DLC1: variants seen among roughly 807,000 people sequenced by gnomAD.
DLC1 encodes the protein rho GTPase-activating protein 7.
Under a neutral mutation model 140.3 loss-of-function variants are expected in DLC1, and 54 were observed. That is an observed-to-expected ratio of 0.38 (90% CI 0.31 to 0.48). DLC1 has a LOEUF of 0.48. Among genes scored for constraint, DLC1 ranks in the 20% least tolerant of loss-of-function variants. DLC1 has a pLI of 0.96. For synonymous variants in DLC1, 986 were observed against 728.1 expected (o/e 1.35, Z -5.70); for missense variants, 2,536 against 1,907.0 (o/e 1.33, Z -6.14).
intron 4 of DLC1, among the ~76,000 whole-genome samples, chr8:13,351,969 G>T (rs1834692829): frequency 6.6e-6 from 1 of 152,162 alleles, no homozygotes; most frequent in Non-Finnish European, 1.5e-5. Context: ...GCTGACCTCA[G>T]GTGATCTGCC....
intron 5 of DLC1, among the ~76,000 whole-genome samples, chr8:13,215,162 A>G (rs966176025): frequency 3.3e-5 from 5 of 152,192 alleles, no homozygotes; most frequent in East Asian, 1.9e-4. Flanking sequence ...TACATTCTCT[A>G]TATCCTTACG....
At chr8:13,464,019 T>A (rs1799807559) in intron 2 of DLC1, among the ~76,000 whole-genome samples, 2 of 152,046 alleles carry the variant, frequency 1.3e-5, no homozygotes, top group Admixed American at 1.3e-4. Flanking sequence ...TTCCCAGAGT[T>A]AGGAAAGACT....
intron 2 of DLC1, among the ~76,000 whole-genome samples, chr8:13,426,242 T>A (rs1038491635): frequency 6.6e-5 from 10 of 152,150 alleles, no homozygotes. Flanking sequence ...GAAATTATAG[T>A]CATTATGAAT....
At chr8:13,438,143 G>C (rs1468478231) in intron 2 of DLC1, among the ~76,000 whole-genome samples, 1 of 151,748 alleles carries the variant, frequency 6.6e-6, no homozygotes, top group Non-Finnish European at 1.5e-5. Flanking sequence ...GAGATTTGGA[G>C]AGCTTTTAAA....
rs892478231 is a variant in DLC1, at chr8:13,099,837, C to T, written c.2500G>A (p.Gly834Ser). Residue 834 changes from glycine to serine, a missense_variant, in exon 9 of 18, where the codon GGC (glycine) becomes AGC (serine). Physicochemically the swap from Gly to Ser is moderately conservative, Grantham distance 56. Transcript: ENST00000276297. The stretch of plus-strand genomic sequence containing the variant: ...CTTCCCGTCCTCCAGTTCACAGAGC[C>T]GTTATTCCCCGAGGGGGAGAAACTG... The part of the protein sequence containing the change: ...NGSFSPSGNN[G>S]SVNWRTGSFH... 2 of 1,614,048 alleles carry T rather than the reference C, an allele frequency of 1.2e-6. No homozygotes were observed. Among genetic ancestry groups the T allele is most frequent in the African/African-American group, 1.3e-5 (1 of 74,908 alleles).
chr8:13,141,994 T>A (rs532186540), intron 5 of DLC1, among the ~76,000 whole-genome samples: 2 of 152,322 alleles, frequency 1.3e-5, no homozygotes, highest in South Asian at 4.1e-4. Context: ...ATGATTGGAT[T>A]ACGGGGGTGG....
intron 2 of DLC1, among the ~76,000 whole-genome samples, chr8:13,450,503 C>CT (rs1304641178): frequency 6.7e-6 from 1 of 148,566 alleles, no homozygotes; most frequent in African/African-American, 2.5e-5. Context: ...GCAGTTACAC[C>CT]TTTTTAAAAT....
intron 4 of DLC1, among the ~76,000 whole-genome samples, chr8:13,390,083 T>C (rs535045457): frequency 1.3e-5 from 2 of 152,302 alleles, no homozygotes; most frequent in African/African-American, 4.8e-5. Context: ...ATCTGTTTAA[T>C]CTCTCATAGA....
chr8:13,133,187 G>C (rs943348738), intron 5 of DLC1: 4 of 1,429,014 alleles, frequency 2.8e-6, no homozygotes, highest in Non-Finnish European at 1.8e-6. Context: ...AGCGCTCAGG[G>C]AGTTGGGCGA....
chr8:13,224,516 A>G (rs971395367), intron 5 of DLC1, among the ~76,000 whole-genome samples: 2 of 152,222 alleles, frequency 1.3e-5, no homozygotes, highest in Non-Finnish European at 2.9e-5. Flanking sequence ...GGCTTAGACA[A>G]AGGCACAGGT....
chr8:13,319,494 C>T lies in DLC1; in HGVS notation c.1315-14192G>A, dbSNP rs1335589738. On this transcript the variant is annotated intron_variant, in intron 4 of 17. Coordinates refer to ENST00000276297, the MANE Select transcript of DLC1 (RefSeq NM_182643.3). The stretch of plus-strand genomic sequence containing the variant: ...CGGGGCGGGGGGGGGGGGTGGATTT[C>T]CCCCTTGCTGTTCTCCTGATAGTGA... Among the ~76,000 whole-genome samples, 8 of 41,094 alleles carry T rather than the reference C, an allele frequency of 1.9e-4. No homozygotes were observed. In the South Asian group the frequency reaches 6.4e-3, roughly 33 times the overall value. 27.0% of individuals were successfully genotyped at this position (41,094 alleles called of 152,430 possible). A position where few individuals can be genotyped will look rare whatever the true frequency, so the allele number is the denominator to read the frequency against.
intron 5 of DLC1, among the ~76,000 whole-genome samples, chr8:13,241,248 C>A (rs753039650): frequency 6.6e-6 from 1 of 152,164 alleles, no homozygotes; most frequent in Non-Finnish European, 1.5e-5. Context: ...TAGAAAGTAT[C>A]CAGAGGTGAG....
intron 5 of DLC1, among the ~76,000 whole-genome samples, chr8:13,290,756 G>T (rs534287144): frequency 6.6e-6 from 1 of 152,250 alleles, no homozygotes; most frequent in East Asian, 1.9e-4. Context: ...GATATAAAAG[G>T]AAATTTCAGG....
chr8:13,463,610 A>G (rs1799779475), intron 2 of DLC1, among the ~76,000 whole-genome samples: 1 of 152,200 alleles, frequency 6.6e-6, no homozygotes. Context: ...TAGACACAAG[A>G]ATTCTTTTGT....
At chr8:13,254,699 T>C (rs1830143602) in intron 5 of DLC1, among the ~76,000 whole-genome samples, 1 of 148,186 alleles carries the variant, frequency 6.7e-6, no homozygotes, top group Non-Finnish European at 1.5e-5. Flanking sequence ...AAATCACAGT[T>C]AAAAAAAGGA....
chr8:13,096,007 C>T (rs568873009), intron 10 of DLC1: 1 of 152,320 alleles, frequency 6.6e-6, no homozygotes, highest in African/African-American at 2.4e-5. Flanking sequence ...TGTCCTGAAA[C>T]CAGGTCCACC....
chr8:13,382,467 C>T (rs1378614443), intron 4 of DLC1, among the ~76,000 whole-genome samples: 2 of 122,596 alleles, frequency 1.6e-5, no homozygotes, highest in African/African-American at 6.3e-5. Flanking sequence ...GAGATTGCGC[C>T]ACTGCACTCC....
In DLC1 at chr8:13,393,604, G is replaced by T. The variant is rs756535780; in HGVS notation, c.1263C>A (p.Asp421Glu). The T allele has an allele frequency of 3.1e-6, 5 of 1,614,102 alleles. No individual in the cohort carries two copies. The highest frequency in any genetic ancestry group is 8.5e-7 in the Non-Finnish European group (1 of 1,180,026). Reference sequence around the variant, plus strand: ...TGGCTACTGGAGTGGAAGATGGGAGGTCCGTGGACTCAGTGTCAGAAGACA... The same window carrying T: ...TGGCTACTGGAGTGGAAGATGGGAGTTCCGTGGACTCAGTGTCAGAAGACA... ...VNLSSDTESTDLPSSTPVANS... is the reference protein window; with the variant it reads ...VNLSSDTESTELPSSTPVANS... The change falls in exon 4 of 18, where the codon GAC (aspartate) becomes GAA (glutamate). Residue 421 changes from aspartate to glutamate, a missense_variant. By Grantham distance (45) the Asp-to-Glu change is conservative. Coordinates refer to ENST00000276297, the MANE Select transcript of DLC1 (RefSeq NM_182643.3).
At chr8:13,516,231 T>C (rs1356838455), upstream of DLC1, among the ~76,000 whole-genome samples, 4 of 152,198 alleles carry the variant, frequency 2.6e-5, no homozygotes, top group African/African-American at 7.2e-5. Context: ...TTCTAGAAGC[T>C]TTCAATAATA....
Sources: allele counts gnomAD v4.1 joint callset (sites outside exome capture counted in the v4.1 genomes callset), GRCh38; gene constraint gnomAD v4.1.1; transcripts MANE v1.5; gene names NCBI Gene and HGNC (gene_info 2026-07-23, HGNC 2026-07-21).